FHOD3: variants seen among roughly 807,000 people sequenced by gnomAD.
FHOD3 encodes FH1/FH2 domain-containing protein 3.
In FHOD3, 90 loss-of-function variants were observed where a neutral mutation model predicts 173.0. The ratio of observed to expected loss-of-function variants is 0.52; its 90% confidence interval spans 0.44 to 0.62. The LOEUF (loss-of-function observed/expected upper bound fraction) is 0.62, where lower values mean the gene tolerates loss of function less well. FHOD3 is among the 20% of genes least tolerant of loss of function. FHOD3 has a pLI of 0.00. For synonymous variants in FHOD3, 828 were observed against 823.0 expected (o/e 1.01, Z -0.10); for missense variants, 1,945 against 2,034.7 (o/e 0.96, Z 0.85).
chr18:36,527,241 G>C (rs1050535895), intron 5 of FHOD3, among the ~76,000 whole-genome samples: 2 of 152,146 alleles, frequency 1.3e-5, no homozygotes, highest in Non-Finnish European at 2.9e-5. Context: ...TTAAAGCCGA[G>C]GGAGAGAAGC....
rs189669904 is a variant in FHOD3, at chr18:36,313,500, G to A, written c.165+15500G>A. ...CTTTCCCTGTAGTTTTGCTTTTTCC[G>A]GAATGCTATATGAATAGAATCATTT... is the stretch of plus-strand genomic sequence containing the variant. On this transcript the variant is annotated intron_variant, in intron 1 of 28. Coordinates refer to ENST00000590592, the MANE Select transcript of FHOD3 (RefSeq NM_001281740.3). Among the ~76,000 whole-genome samples the A allele has an allele frequency of 3.0e-3, 463 of 152,184 alleles. 5 individuals are homozygous for A. The highest frequency in any genetic ancestry group is 9.7e-3 in the African/African-American group (403 of 41,484).
intron 25 of FHOD3, among the ~76,000 whole-genome samples, chr18:36,757,319 A>G (rs2042672201): frequency 6.6e-6 from 1 of 152,188 alleles, no homozygotes. Flanking sequence ...CCTCTGCTGG[A>G]ACATTAGGAT....
chr18:36,740,917 G>A, intron 21 of FHOD3, 79 bp downstream of exon 21: 2 of 1,365,912 alleles, frequency 1.5e-6, no homozygotes, highest in Non-Finnish European at 2.0e-6. Context: ...TCAGTACTAA[G>A]GCAGTGAAAT....
chr18:36,560,719 G>A (rs1253021527), intron 5 of FHOD3, among the ~76,000 whole-genome samples: 5 of 152,226 alleles, frequency 3.3e-5, no homozygotes, highest in South Asian at 4.1e-4. Flanking sequence ...CTCATAGATC[G>A]CCACAGTTTG....
intron 3 of FHOD3, among the ~76,000 whole-genome samples, chr18:36,423,123 C>A (rs868667990): frequency 1.4e-4 from 22 of 152,066 alleles, no homozygotes; most frequent in African/African-American, 4.8e-4. Context: ...CACACCCCCC[C>A]CAAACTTCAT....
chr18:36,400,036 G>A (rs1032716523), intron 3 of FHOD3, among the ~76,000 whole-genome samples: 6 of 152,210 alleles, frequency 3.9e-5, no homozygotes, highest in African/African-American at 1.4e-4. Flanking sequence ...GTGAGGTGTG[G>A]ATCCTGGCCG....
rs755575574 is a variant in FHOD3 at position 36,718,488 on chromosome 18, C to T, written c.3190C>T (p.Pro1064Ser). 3.7e-6 allele frequency: 6 copies of T among 1,613,760 alleles called. No homozygotes were observed. The highest frequency in any genetic ancestry group is 2.7e-5 in the African/African-American group (2 of 74,798). ...LVPPPPVFNA[P>S]QGLGWSQVPR... is the part of the protein sequence containing the mutation. ...TCCTCCTCCTCCAGTGTTCAACGCT[C>T]CTCAGGGCTTAGGGTGGTCCCAGGT... The change falls in exon 19 of 29, where the codon CCT becomes TCT. Residue 1064 changes from proline (P) to serine (S), a missense_variant. Pro to Ser is a moderately conservative substitution (Grantham distance 74). This residue lies in a region of FHOD3 where 1,099 missense variants were observed against 1,051.2 expected (regional missense o/e 1.05). Transcript: ENST00000590592.
chr18:36,358,117 T>A (rs1258122364), intron 2 of FHOD3, among the ~76,000 whole-genome samples: 1 of 152,230 alleles, frequency 6.6e-6, no homozygotes, highest in Non-Finnish European at 1.5e-5. Flanking sequence ...AGAAGTTAAA[T>A]TACATGTCTG....
intron 1 of FHOD3, among the ~76,000 whole-genome samples, chr18:36,349,684 T>C (rs938575046): frequency 6.6e-6 from 1 of 152,212 alleles, no homozygotes; most frequent in African/African-American, 2.4e-5. Flanking sequence ...GCTAGTTCAC[T>C]GGACTAAGAA....
intron 14 of FHOD3, among the ~76,000 whole-genome samples, chr18:36,663,541 A>C (rs2036954771): frequency 6.6e-6 from 1 of 152,208 alleles, no homozygotes; most frequent in African/African-American, 2.4e-5. Flanking sequence ...GTGTACAGTG[A>C]CTGACAGTGC....
At chr18:36,743,935 T>G in intron 22 of FHOD3, 97 bp from the exon 23 acceptor site, 1 of 1,356,934 alleles carries the variant, frequency 7.4e-7, no homozygotes, top group Non-Finnish European at 1.0e-6. Flanking sequence ...AGAAACTGAA[T>G]GTTGGGTGAC....
chr18:36,505,781 GC>G, intron 4 of FHOD3, among the ~76,000 whole-genome samples: 1 of 152,288 alleles, frequency 6.6e-6, no homozygotes, highest in South Asian at 2.1e-4. Flanking sequence ...TGTAGTTACA[GC>G]CCCAGAAAGA....
At chr18:36,452,671 T>A (rs1300937681) in intron 3 of FHOD3, among the ~76,000 whole-genome samples, 1 of 152,136 alleles carries the variant, frequency 6.6e-6, no homozygotes, top group Non-Finnish European at 1.5e-5. Flanking sequence ...CTTTAGATAT[T>A]TCATAGAGGT....
At chr18:36,766,980 C>T (rs1485446137) in intron 27 of FHOD3, among the ~76,000 whole-genome samples, 1 of 152,104 alleles carries the variant, frequency 6.6e-6, no homozygotes, top group Non-Finnish European at 1.5e-5. Context: ...AACACAATTG[C>T]ATGATTGATT....
At chr18:36,632,364 C>A (rs950500707) in intron 10 of FHOD3, among the ~76,000 whole-genome samples, 1 of 152,100 alleles carries the variant, frequency 6.6e-6, no homozygotes, top group African/African-American at 2.4e-5. Context: ...CTTAGTGTTG[C>A]CTGTAAATAT....
chr18:36,476,578 T>C (rs2053588085), intron 3 of FHOD3, among the ~76,000 whole-genome samples: 1 of 152,200 alleles, frequency 6.6e-6, no homozygotes, highest in African/African-American at 2.4e-5. Flanking sequence ...GGATACTCAG[T>C]GCTCATTATG....
chr18:36,361,419 C>T (rs773348997), intron 2 of FHOD3, among the ~76,000 whole-genome samples: 5 of 152,058 alleles, frequency 3.3e-5, no homozygotes, highest in African/African-American at 4.8e-5. Context: ...GGCATGGTGG[C>T]TCACGCTTGT....
intron 14 of FHOD3, among the ~76,000 whole-genome samples, chr18:36,677,847 A>C (rs1174212927): frequency 6.6e-6 from 1 of 152,220 alleles, no homozygotes; most frequent in Non-Finnish European, 1.5e-5. Flanking sequence ...TCCTGACTGC[A>C]TTGATTTTTT....
At chr18:36,757,682 G>A (rs1441814474) in intron 25 of FHOD3, among the ~76,000 whole-genome samples, 2 of 152,122 alleles carry the variant, frequency 1.3e-5, no homozygotes, top group Non-Finnish European at 1.5e-5. Flanking sequence ...CAGCCCCCAC[G>A]CACCAGCTCC....
Sources: allele counts gnomAD v4.1 joint callset (sites outside exome capture counted in the v4.1 genomes callset), GRCh38; gene constraint gnomAD v4.1.1; regional missense constraint gnomAD v4.1.1; transcripts MANE v1.5; gene names NCBI Gene and HGNC (gene_info 2026-07-23, HGNC 2026-07-21).